The following SLMAP variants were observed in gnomAD, a reference collection of about 807,000 sequenced individuals.
The protein encoded by SLMAP is sarcolemma associated protein, also known as sarcolemmal membrane-associated protein.
In SLMAP, 44 loss-of-function variants were observed where a neutral mutation model predicts 128.8. The ratio of observed to expected loss-of-function variants is 0.34; its 90% CI spans 0.27 to 0.44. The LOEUF is 0.44. Ranked by LOEUF, SLMAP falls within the 20% of genes least tolerant of loss-of-function variation. The pLI is 1.00. For synonymous variants in SLMAP, 327 were observed against 348.8 expected, an observed-to-expected ratio of 0.94 and a Z score of 0.70; for missense variants, 787 against 985.3, an observed-to-expected ratio of 0.80 and a Z score of 2.69.
chr3:57,795,007 T>C (rs999943352), intron 2 of SLMAP, among the ~76,000 whole-genome samples: 1 of 152,178 alleles, frequency 6.6e-6, no homozygotes, highest in African/African-American at 2.4e-5. Context: ...GCCAAAATGT[T>C]TTCCAAGGTG....
chr3:57,886,337 T>A (rs1553915226), intron 14 of SLMAP, among the ~76,000 whole-genome samples: 1 of 150,214 alleles, frequency 6.7e-6, no homozygotes, highest in Non-Finnish European at 1.5e-5. Context: ...GACCTCAGGT[T>A]ATCTACCCAC....
chr3:57,763,047 T>C (rs73073952), intron 2 of SLMAP, among the ~76,000 whole-genome samples: 21,286 of 152,050 alleles, frequency 0.14, 1,563 homozygotes, highest in South Asian at 0.22. Context: ...AATTCCTCTG[T>C]TGATTCAAGG....
intron 14 of SLMAP, among the ~76,000 whole-genome samples, chr3:57,885,304 T>A (rs1377077833): frequency 6.6e-6 from 1 of 151,472 alleles, no homozygotes; most frequent in East Asian, 1.9e-4. Flanking sequence ...ACTCCCGACC[T>A]CAGGTGATGC....
intron 18 of SLMAP, 63 bp downstream of exon 18, chr3:57,908,069 G>T: frequency 6.5e-7 from 1 of 1,534,750 alleles, no homozygotes; most frequent in Non-Finnish European, 8.9e-7. Flanking sequence ...TAATTGGGTG[G>T]CCCCAAACTT....
intron 24 of SLMAP, among the ~76,000 whole-genome samples, chr3:57,927,063 G>T (rs961692604): frequency 6.6e-6 from 1 of 152,074 alleles, no homozygotes. Flanking sequence ...AAACTTCCCA[G>T]GACTTTCTTG....
intron 2 of SLMAP, among the ~76,000 whole-genome samples, chr3:57,778,724 T>C (rs2082416902): frequency 3.3e-5 from 5 of 151,860 alleles, no homozygotes. Flanking sequence ...TACAGGTGCA[T>C]GCCACCATGC....
intron 2 of SLMAP, among the ~76,000 whole-genome samples, chr3:57,758,237 A>T (rs1163456222): frequency 6.6e-6 from 1 of 152,214 alleles, no homozygotes; most frequent in Admixed American, 6.5e-5. Flanking sequence ...GGCCATTATT[A>T]TCCCGGGGCT....
At chr3:57,760,740 C>T (rs2078457552) in intron 2 of SLMAP, among the ~76,000 whole-genome samples, 1 of 151,830 alleles carries the variant, frequency 6.6e-6, no homozygotes, top group Non-Finnish European at 1.5e-5. Flanking sequence ...AAAAGAATCC[C>T]TTCAGAGAAG....
chr3:57,928,092 T>C lies in SLMAP; in HGVS notation c.*803T>C, dbSNP rs1164743694. The stretch of plus-strand genomic sequence containing the variant: ...AACTTTCCATGAGAGTGTATTTTCT[T>C]GAGCAAACTGAAGTATTTCTGGGAG... On this transcript the variant is annotated 3_prime_UTR_variant, in exon 25 of 25. Transcript: ENST00000671191. 6.6e-6 allele frequency: 1 copy of C among 152,610 alleles called. No homozygotes were observed. Among genetic ancestry groups the C allele is most frequent in the East Asian group, 1.9e-4 (1 of 5,206 alleles). The allele number at this position is 152,610 out of a possible 1,614,324, so 9.5% of individuals were successfully genotyped here. A position where few individuals can be genotyped will look rare whatever the true frequency, so the allele number is the denominator to read the frequency against.
At chr3:57,785,394 T>C (rs1257106324) in intron 2 of SLMAP, among the ~76,000 whole-genome samples, 3 of 152,198 alleles carry the variant, frequency 2.0e-5, no homozygotes, top group African/African-American at 7.2e-5. Flanking sequence ...ACAAAGGGCA[T>C]AACCTTCTCT....
chr3:57,858,858 CTT>C (rs2094912089), intron 8 of SLMAP, among the ~76,000 whole-genome samples: 1 of 152,114 alleles, frequency 6.6e-6, no homozygotes, highest in Admixed American at 6.6e-5. Flanking sequence ...AGGAGAATCC[CTT>C]GAACCCAGGA....
intron 3 of SLMAP, among the ~76,000 whole-genome samples, chr3:57,835,303 T>A (rs977422602): frequency 1.3e-5 from 2 of 151,666 alleles, no homozygotes; most frequent in Non-Finnish European, 2.9e-5. Context: ...AAATTTTTTT[T>A]AATTAGCTGT....
chr3:57,851,588 C>G (rs1488280399), intron 6 of SLMAP, among the ~76,000 whole-genome samples: 1 of 150,578 alleles, frequency 6.6e-6, no homozygotes, highest in Non-Finnish European at 1.5e-5. Flanking sequence ...TTCTCCTGCC[C>G]CAGTCTCCCG....
At chr3:57,832,475 C>T (rs1036899011) in intron 3 of SLMAP, among the ~76,000 whole-genome samples, 4 of 152,148 alleles carry the variant, frequency 2.6e-5, no homozygotes, top group Admixed American at 6.5e-5. Context: ...ACCTAGTTCA[C>T]GGTCTTCTTT....
At position 57,831,597 on chromosome 3, in the gene SLMAP, C is replaced by T. The variant is rs928237450; in HGVS notation, c.346+67C>T. On this transcript the variant is annotated intron_variant, in intron 3 of 24. Transcript: ENST00000671191. The stretch of plus-strand genomic sequence containing the variant: ...GGTTATTTAATTTTTTATTATCTTA[C>T]TTGACATTATGAAACATTACATGCT... 1.3e-5 allele frequency: 15 copies of T among 1,121,150 alleles called. No individual in the cohort carries two copies. In the East Asian group the frequency reaches 3.9e-4, roughly 29 times the overall value. 69.5% of individuals were successfully genotyped at this position (1,121,150 alleles called of 1,614,324 possible). A position where few individuals can be genotyped will look rare whatever the true frequency, so the allele number is the denominator to read the frequency against.
intron 6 of SLMAP, among the ~76,000 whole-genome samples, chr3:57,857,532 A>G (rs193277267): frequency 2.0e-5 from 3 of 152,362 alleles, no homozygotes; most frequent in Admixed American, 1.3e-4. Flanking sequence ...GTACTGCACT[A>G]TAACTGAAAC....
rs760610394 is a variant in SLMAP at position 57,908,017 on chromosome 3, G to C, written c.1624+11G>C. On this transcript the variant is annotated intron_variant, in intron 18 of 24. Transcript: ENST00000671191. Reference sequence around the variant, plus strand: ...GCTTTGAACTTCAAGGTGAGATCAAGATTACTTTGGTTCTTTAGGGATGTG... The same window carrying C: ...GCTTTGAACTTCAAGGTGAGATCAACATTACTTTGGTTCTTTAGGGATGTG... The C allele has an allele frequency of 1.2e-6, 2 of 1,612,998 alleles. No homozygotes were observed. Among genetic ancestry groups the C allele is most frequent in the South Asian group, 2.2e-5 (2 of 90,896 alleles).
At chr3:57,782,686 T>C (rs558022971) in intron 2 of SLMAP, among the ~76,000 whole-genome samples, 1 of 152,276 alleles carries the variant, frequency 6.6e-6, no homozygotes, top group South Asian at 2.1e-4. Context: ...TTGTCCAGGC[T>C]GGTCTCAAAC....
chr3:57,919,528 C>A (rs927756942), intron 22 of SLMAP, among the ~76,000 whole-genome samples: 1 of 152,120 alleles, frequency 6.6e-6, no homozygotes, highest in Admixed American at 6.5e-5. Flanking sequence ...GGTGCAGTGG[C>A]TCACTCCTGT....
Sources: allele counts gnomAD v4.1 joint callset (sites outside exome capture counted in the v4.1 genomes callset), GRCh38; gene constraint gnomAD v4.1.1; transcripts MANE v1.5; gene names NCBI Gene and HGNC (gene_info 2026-07-23, HGNC 2026-07-21).